KIF27: variants seen among roughly 807,000 people sequenced by gnomAD.
KIF27 encodes kinesin-like protein KIF27.
A neutral mutation model predicts 141.8 loss-of-function variants in KIF27; 84 were observed. That is an observed-to-expected ratio of 0.59 (90% CI 0.50 to 0.71). KIF27 has a LOEUF of 0.71. KIF27 is among the 30% of genes least tolerant of loss of function. The probability of loss-of-function intolerance (pLI) is 0.00; values close to 1 mark genes in which losing one functional copy is unlikely to be tolerated. For missense variants in KIF27, 1,306 were observed against 1,628.4 expected (o/e 0.80, Z 3.41); for synonymous variants, 471 against 569.5 (o/e 0.83, Z 2.46).
intron 9 of KIF27, among the ~76,000 whole-genome samples, chr9:83,886,271 T>C (rs1952096195): frequency 6.6e-6 from 1 of 152,192 alleles, no homozygotes; most frequent in Non-Finnish European, 1.5e-5. Context: ...TGGATCTCAT[T>C]AAACAAGCAT....
rs374211776 is a variant in KIF27, at chr9:83,901,492, A to G, written c.1458+1568T>C. Among the ~76,000 whole-genome samples, 5 of 152,358 alleles carry G rather than the reference A, an allele frequency of 3.3e-5. No homozygotes were observed. In the South Asian group the frequency reaches 8.3e-4, roughly 25 times the overall value. On this transcript the variant is annotated intron_variant, in intron 4 of 17. Transcript: ENST00000297814. ...CATATTGCAACAAACTGAATACTGAAGCAGATAAGAAAATCCAACTGCCTG... is the reference window on the plus strand; with the variant it reads ...CATATTGCAACAAACTGAATACTGAGGCAGATAAGAAAATCCAACTGCCTG...
intron 1 of KIF27, among the ~76,000 whole-genome samples, chr9:83,919,574 A>G (rs1956048246): frequency 6.6e-6 from 1 of 151,890 alleles, no homozygotes; most frequent in African/African-American, 2.4e-5. Flanking sequence ...ACAACAATGA[A>G]TTGATAATAT....
intron 10 of KIF27, 57 bp from the exon 11 acceptor site, chr9:83,880,551 T>A: frequency 8.0e-7 from 1 of 1,248,622 alleles, no homozygotes; most frequent in Non-Finnish European, 1.1e-6. Context: ...AATCCTCAAC[T>A]AAACTTAATC....
At chr9:83,874,214 C>T (rs1255505824) in intron 11 of KIF27, among the ~76,000 whole-genome samples, 1 of 152,044 alleles carries the variant, frequency 6.6e-6, no homozygotes, top group East Asian at 1.9e-4. Context: ...CCCATTTAGC[C>T]CTCACAACAA....
At chr9:83,884,470 C>T (rs1431695800) in intron 9 of KIF27, among the ~76,000 whole-genome samples, 4 of 151,932 alleles carry the variant, frequency 2.6e-5, no homozygotes, top group East Asian at 1.9e-4. Flanking sequence ...TAAAATGAAC[C>T]GCCATCACCC....
chr9:83,847,843 G>C (rs1947496704), intron 16 of KIF27: 1 of 152,052 alleles, frequency 6.6e-6, no homozygotes, highest in Non-Finnish European at 1.5e-5. Flanking sequence ...CTTTAGTTTT[G>C]AGACTCGGAC....
rs151123030 is a variant in KIF27, at chr9:83,885,383, G to A, written c.2240-1365C>T. Among the ~76,000 whole-genome samples, 575 of 152,054 alleles carry A rather than the reference G, an allele frequency of 3.8e-3. 3 individuals carry two copies. Among genetic ancestry groups the A allele is most frequent in the African/African-American group, 0.013 (537 of 41,480 alleles). ...GCTGGGATTACAGGCGTGAGCCACC[G>A]TGCCCAGCCTATTATACTATTTATA... On this transcript the variant is annotated intron_variant, in intron 9 of 17. Coordinates refer to ENST00000297814, the MANE Select transcript of KIF27 (RefSeq NM_017576.4).
intron 10 of KIF27, among the ~76,000 whole-genome samples, 196 bp from the exon 11 acceptor site, chr9:83,880,690 C>T (rs540019785): frequency 6.2e-4 from 95 of 152,232 alleles, no homozygotes; most frequent in Non-Finnish European, 1.1e-3. Flanking sequence ...ATTTGCATCA[C>T]ATATGTAAAA....
chr9:83,897,183 A>G (rs1264567916), intron 5 of KIF27, among the ~76,000 whole-genome samples: 3 of 152,156 alleles, frequency 2.0e-5, no homozygotes. Context: ...GGAAGAAGAA[A>G]AGCAGAAGGC....
At chr9:83,849,142 A>G (rs989354706) in intron 16 of KIF27, among the ~76,000 whole-genome samples, 1 of 152,190 alleles carries the variant, frequency 6.6e-6, no homozygotes, top group Non-Finnish European at 1.5e-5. Context: ...ATTTGGCTAT[A>G]GCATGAACTT....
At chr9:83,895,922 C>T (rs1953176815) in intron 5 of KIF27, among the ~76,000 whole-genome samples, 1 of 151,692 alleles carries the variant, frequency 6.6e-6, no homozygotes, top group African/African-American at 2.4e-5. Context: ...CATGGTTGTG[C>T]ATGCCTGTAG....
At chr9:83,910,962 G>A (rs1483569409) in intron 2 of KIF27, among the ~76,000 whole-genome samples, 4 of 145,934 alleles carry the variant, frequency 2.7e-5, no homozygotes, top group Non-Finnish European at 6.0e-5. Flanking sequence ...TACATACAAT[G>A]GAATGTTGGA....
intron 11 of KIF27, 27 bp from the exon 12 acceptor site, chr9:83,870,659 T>G: frequency 6.2e-7 from 1 of 1,611,424 alleles, no homozygotes; most frequent in South Asian, 1.1e-5. Context: ...TGAAAACACC[T>G]TATTGCTTTT....
chr9:83,914,174 C>T (rs1354492886), intron 2 of KIF27, among the ~76,000 whole-genome samples: 1 of 146,552 alleles, frequency 6.8e-6, no homozygotes, highest in African/African-American at 2.5e-5. Flanking sequence ...GTATAAAGCA[C>T]ATAATGGATC....
At chr9:83,856,956 G>A (rs1308633806) in intron 14 of KIF27, among the ~76,000 whole-genome samples, 1 of 147,362 alleles carries the variant, frequency 6.8e-6, no homozygotes, top group African/African-American at 2.5e-5. Flanking sequence ...GAAATTAAAA[G>A]TTTAAAAGAT....
Position 83,892,143 on chromosome 9 carries a change from C to T in KIF27, c.1603-642G>A, listed in dbSNP as rs2780185. Among the ~76,000 whole-genome samples the T allele has an allele frequency of 4.6e-5, 7 of 152,164 alleles. No individual in the cohort carries two copies. In the South Asian group the frequency reaches 1.5e-3, roughly 32 times the overall value. On this transcript the variant is annotated intron_variant, in intron 5 of 17. Coordinates refer to ENST00000297814, the MANE Select transcript of KIF27 (RefSeq NM_017576.4). ...TTTGAAGTGTATCAAATCTAGAAAG[C>T]TCTAATGTCAATCTTTGTTTTACAA...
At position 83,900,477 on chromosome 9, in the gene KIF27, T is replaced by C. The variant is rs910577288; in HGVS notation, c.1459-673A>G. The stretch of plus-strand genomic sequence containing the variant: ...TGATCAGGGAACACTTCTACACTGC[T>C]AGTGGGAATGTAAACTAGTACAGCC... On this transcript the variant is annotated intron_variant, in intron 4 of 17. Transcript: ENST00000297814. Among the ~76,000 whole-genome samples, 3 of 138,646 alleles carry C rather than the reference T, an allele frequency of 2.2e-5. No individual in the cohort carries two copies. In the Admixed American group the frequency reaches 2.3e-4, roughly 11 times the overall value. The allele number at this position is 138,646 out of a possible 152,430, so 91.0% of individuals were successfully genotyped here. A position where few individuals can be genotyped will look rare whatever the true frequency, so the allele number is the denominator to read the frequency against.
At chr9:83,865,020 T>G (rs1260370028) in intron 13 of KIF27, among the ~76,000 whole-genome samples, 1 of 152,184 alleles carries the variant, frequency 6.6e-6, no homozygotes, top group Non-Finnish European at 1.5e-5. Context: ...TTGTTTTCCA[T>G]TTGCTTGGTA....
At chr9:83,892,532 A>C (rs1952783741) in intron 5 of KIF27, among the ~76,000 whole-genome samples, 1 of 152,154 alleles carries the variant, frequency 6.6e-6, no homozygotes, top group African/African-American at 2.4e-5. Context: ...ACAGAGGAGG[A>C]AGGATAAATA....
Sources: allele counts gnomAD v4.1 joint callset (sites outside exome capture counted in the v4.1 genomes callset), GRCh38; gene constraint gnomAD v4.1.1; transcripts MANE v1.5; gene names NCBI Gene and HGNC (gene_info 2026-07-23, HGNC 2026-07-21).